QTMAN: variants seen among roughly 807,000 people sequenced by gnomAD.
The protein encoded by QTMAN is tRNA-queuosine alpha-mannosyltransferase.
chr2:144,070,158 A>G, the QTMAN span, among the ~76,000 whole-genome samples: 1 of 152,140 alleles, frequency 6.6e-6, no homozygotes, highest in African/African-American at 2.4e-5. Flanking sequence ...CTAAGAACAA[A>G]GATCCTAATA....
the QTMAN span, among the ~76,000 whole-genome samples, chr2:144,133,458 T>C: frequency 1.4e-5 from 1 of 72,596 alleles, no homozygotes; most frequent in Non-Finnish European, 2.4e-5. Flanking sequence ...TAATATATAA[T>C]ATATATTATA....
the QTMAN span, among the ~76,000 whole-genome samples, chr2:144,079,568 T>C: frequency 6.6e-6 from 1 of 152,022 alleles, no homozygotes; most frequent in Non-Finnish European, 1.5e-5. Flanking sequence ...TATTTTATAA[T>C]GAGAATGTTT....
chr2:144,158,445 A>G, the QTMAN span, among the ~76,000 whole-genome samples: 1 of 151,902 alleles, frequency 6.6e-6, no homozygotes, highest in African/African-American at 2.4e-5. Flanking sequence ...ATGTGCCAGA[A>G]TGTAACATAA....
chr2:144,110,688 C>CAA, the QTMAN span, among the ~76,000 whole-genome samples: 2 of 132,898 alleles, frequency 1.5e-5, no homozygotes, highest in Admixed American at 7.4e-5. Context: ...GACCCCCCCC[C>CAA]AAAAAAAAAA....
chr2:143,982,545 T>C, the QTMAN span, among the ~76,000 whole-genome samples: 1 of 149,414 alleles, frequency 6.7e-6, no homozygotes, highest in African/African-American at 2.5e-5. Context: ...ACCAGAACAA[T>C]TTATTTATAG....
the QTMAN span, among the ~76,000 whole-genome samples, chr2:144,169,869 T>C: frequency 6.6e-6 from 1 of 152,056 alleles, no homozygotes; most frequent in Admixed American, 6.6e-5. Flanking sequence ...GTAATGTATT[T>C]TCATTATAGG....
chr2:144,263,597 G>T, the QTMAN span, among the ~76,000 whole-genome samples: 1 of 152,098 alleles, frequency 6.6e-6, no homozygotes, highest in South Asian at 2.1e-4. Context: ...GATGGCAGAC[G>T]CCTGTAATCC....
the QTMAN span, among the ~76,000 whole-genome samples, chr2:144,033,288 A>G: frequency 6.6e-6 from 1 of 152,230 alleles, no homozygotes; most frequent in Non-Finnish European, 1.5e-5. Flanking sequence ...ACTTCTGACC[A>G]ACAGCTATAA....
the QTMAN span, among the ~76,000 whole-genome samples, chr2:144,050,825 G>A: frequency 1.3e-5 from 2 of 151,890 alleles, no homozygotes; most frequent in East Asian, 3.9e-4. Context: ...GTAAATAGTT[G>A]TTATACTATA....
At chr2:144,269,489 A>G in the QTMAN span, among the ~76,000 whole-genome samples, 3 of 152,148 alleles carry the variant, frequency 2.0e-5, no homozygotes, top group East Asian at 3.8e-4. Flanking sequence ...CACCAAAGAA[A>G]TAATATATAA....
chr2:143,975,008 G>A, the QTMAN span, among the ~76,000 whole-genome samples: 1 of 152,032 alleles, frequency 6.6e-6, no homozygotes, highest in Non-Finnish European at 1.5e-5. Context: ...GAATGAAACA[G>A]TCTGGCTGGG....
the QTMAN span, among the ~76,000 whole-genome samples, chr2:144,159,517 T>A: frequency 1.3e-5 from 2 of 152,096 alleles, no homozygotes; most frequent in Non-Finnish European, 2.9e-5. Context: ...GTGATCAAGT[T>A]CAACTAAAGA....
chr2:144,126,020 C>A, the QTMAN span, among the ~76,000 whole-genome samples: 1 of 151,924 alleles, frequency 6.6e-6, no homozygotes, highest in Non-Finnish European at 1.5e-5. Flanking sequence ...AGGATAAATA[C>A]AATTTTTAAC....
chr2:143,972,217 T>C, the QTMAN span, among the ~76,000 whole-genome samples: 1 of 152,184 alleles, frequency 6.6e-6, no homozygotes, highest in Non-Finnish European at 1.5e-5. Flanking sequence ...TATGCCATCT[T>C]CAACCATATC....
the QTMAN span, among the ~76,000 whole-genome samples, chr2:144,301,917 G>C: frequency 2.0e-5 from 3 of 152,158 alleles, no homozygotes; most frequent in Admixed American, 2.0e-4. Context: ...AATGGCAGTA[G>C]GTATAAATAA....
At chr2:144,331,108 C>T in the QTMAN span, among the ~76,000 whole-genome samples, 3 of 152,146 alleles carry the variant, frequency 2.0e-5, no homozygotes, top group African/African-American at 4.8e-5. Context: ...AGGTACTCCT[C>T]TAATCCTCAA....
the QTMAN span, among the ~76,000 whole-genome samples, chr2:144,256,660 T>A: frequency 6.6e-6 from 1 of 151,076 alleles, no homozygotes; most frequent in Admixed American, 6.6e-5. Flanking sequence ...AAAGAACACA[T>A]AGACACAGGG....
At chr2:144,028,559 A>G in the QTMAN span, among the ~76,000 whole-genome samples, 27 of 152,220 alleles carry the variant, frequency 1.8e-4, 1 homozygote, top group Non-Finnish European at 2.6e-4. Flanking sequence ...GCAAGAGAAC[A>G]CAAGGTCATT....
chr2:144,091,736 T>A, the QTMAN span, among the ~76,000 whole-genome samples: 1 of 152,150 alleles, frequency 6.6e-6, no homozygotes, highest in Non-Finnish European at 1.5e-5. Flanking sequence ...TGCATGCAAA[T>A]GTTCACAGTA....
Sources: allele counts gnomAD v4.1 joint callset (sites outside exome capture counted in the v4.1 genomes callset), GRCh38; gene constraint gnomAD v4.1.1; transcripts MANE v1.5; gene names NCBI Gene and HGNC (gene_info 2026-07-23, HGNC 2026-07-21).